LRBA: variants seen among roughly 807,000 people sequenced by gnomAD.
LRBA encodes the protein lipopolysaccharide-responsive and beige-like anchor protein.
A neutral mutation model predicts 330.0 loss-of-function variants in LRBA; 176 were observed. That is an observed-to-expected ratio of 0.53 (90% CI 0.47 to 0.60). The LOEUF (loss-of-function observed/expected upper bound fraction) is 0.60, where lower values mean the gene tolerates loss of function less well. Ranked by LOEUF, LRBA falls within the 20% of genes least tolerant of loss-of-function variation. The pLI, the probability that LRBA is intolerant of heterozygous loss-of-function variation, is 0.00. For missense variants in LRBA, 3,259 were observed against 3,444.8 expected (o/e 0.95, Z 1.35); for synonymous variants, 1,230 against 1,193.0 (o/e 1.03, Z -0.64).
intron 34 of LRBA, among the ~76,000 whole-genome samples, chr4:150,793,944 T>G (rs1424819129): frequency 6.6e-6 from 1 of 152,184 alleles, no homozygotes; most frequent in Non-Finnish European, 1.5e-5. Flanking sequence ...AGTAAACAAG[T>G]AAACCAATTA....
chr4:150,991,871 A>C (rs1742126989), intron 2 of LRBA, among the ~76,000 whole-genome samples: 1 of 152,190 alleles, frequency 6.6e-6, no homozygotes, highest in South Asian at 2.1e-4. Context: ...TCATGATCTA[A>C]TGAGAGAAAT....
intron 31 of LRBA, among the ~76,000 whole-genome samples, chr4:150,812,148 T>C (rs1743832064): frequency 6.6e-6 from 1 of 152,220 alleles, no homozygotes; most frequent in South Asian, 2.1e-4. Context: ...AAACACATTC[T>C]GTATTTTTTC....
chr4:150,624,991 T>C (rs1246789280), intron 37 of LRBA, among the ~76,000 whole-genome samples: 1 of 152,240 alleles, frequency 6.6e-6, no homozygotes, highest in Non-Finnish European at 1.5e-5. Flanking sequence ...TCTATCTATT[T>C]ATAAGAGCTC....
At chr4:150,768,927 CTTTTTTTTTTTTTTT>C (rs70941440) in intron 34 of LRBA, among the ~76,000 whole-genome samples, 1 of 75,026 alleles carries the variant, frequency 1.3e-5, no homozygotes, top group Non-Finnish European at 2.5e-5. Flanking sequence ...GTGCTGTCTC[CTTTTTTTTTTTTTTT>C]TTTTTTTTTT....
At chr4:150,330,457 T>G (rs889093695) in intron 48 of LRBA, among the ~76,000 whole-genome samples, 1 of 152,196 alleles carries the variant, frequency 6.6e-6, no homozygotes, top group African/African-American at 2.4e-5. Flanking sequence ...CCCAAACTTT[T>G]TGGCACCAGG....
chr4:150,589,064 CACACACACAGAG>C (rs1382982760), intron 39 of LRBA, among the ~76,000 whole-genome samples: 2 of 150,476 alleles, frequency 1.3e-5, no homozygotes, highest in Non-Finnish European at 3.0e-5. Context: ...CACACACACA[CACACACACAGAG>C]AGAGAGAGAT....
chr4:150,410,190 C>G (rs1746775091), intron 47 of LRBA, among the ~76,000 whole-genome samples: 1 of 151,946 alleles, frequency 6.6e-6, no homozygotes, highest in African/African-American at 2.4e-5. Flanking sequence ...TCTATGCTGT[C>G]ATCACTTGAG....
chr4:150,558,078 T>A (rs899481166), intron 40 of LRBA, among the ~76,000 whole-genome samples: 1 of 152,160 alleles, frequency 6.6e-6, no homozygotes, highest in East Asian at 1.9e-4. Context: ...TTGTTATTTT[T>A]AGTAGAGATG....
chr4:150,704,501 G>T (rs753218603), intron 36 of LRBA, among the ~76,000 whole-genome samples: 23 of 151,644 alleles, frequency 1.5e-4, no homozygotes, highest in Admixed American at 3.9e-4. Context: ...TTAGGTCAGG[G>T]TATTTCAGGT....
chr4:150,526,943 T>C (rs1763539136), intron 40 of LRBA, among the ~76,000 whole-genome samples: 1 of 151,980 alleles, frequency 6.6e-6, no homozygotes, highest in African/African-American at 2.4e-5. Context: ...GATCTATATA[T>C]CACAATTCGT....
rs142599707 is a variant in LRBA at position 150,555,982 on chromosome 4, T to A, written c.6330+32066A>T. Among the ~76,000 whole-genome samples, 13 of 151,966 alleles carry A rather than the reference T, an allele frequency of 8.6e-5. No homozygotes were observed. In the East Asian group the frequency reaches 2.3e-3, roughly 27 times the overall value. The stretch of plus-strand genomic sequence containing the variant: ...ATGCCTGGTTAATTCTGTTCATTTT[T>A]TATAGAGATGAGATACTGTTATGTT... On this transcript the variant is annotated intron_variant, in intron 40 of 56. Coordinates refer to ENST00000651943, the MANE Select transcript of LRBA (RefSeq NM_001364905.1).
rs184230249 is a variant in LRBA, at chr4:150,395,551, T to C, written c.7194+19887A>G. The stretch of plus-strand genomic sequence containing the variant: ...CCTAGCTTGAGTCCGATACTCACAC[T>C]GCCATCTTCCTAATGAATAAATTAA... On this transcript the variant is annotated intron_variant, in intron 47 of 56. Transcript: ENST00000651943. Among the ~76,000 whole-genome samples, 393 of 152,296 alleles carry C rather than the reference T, an allele frequency of 2.6e-3. 3 individuals carry two copies. The highest frequency in any genetic ancestry group is 4.7e-3 in the Non-Finnish European group (317 of 68,016).
intron 34 of LRBA, among the ~76,000 whole-genome samples, chr4:150,796,633 C>T (rs1445976815): frequency 2.6e-5 from 4 of 151,878 alleles, no homozygotes; most frequent in Non-Finnish European, 5.9e-5. Context: ...TTTATCTTTG[C>T]AGCTCCTAAC....
intron 40 of LRBA, among the ~76,000 whole-genome samples, chr4:150,571,692 A>G (rs915925778): frequency 1.8e-5 from 2 of 108,756 alleles, no homozygotes; most frequent in Non-Finnish European, 3.5e-5. Context: ...TTTCAGTTGC[A>G]CTGGACAAAT....
chr4:150,368,095 C>T (rs1243483246), intron 47 of LRBA, among the ~76,000 whole-genome samples: 1 of 152,144 alleles, frequency 6.6e-6, no homozygotes, highest in Non-Finnish European at 1.5e-5. Flanking sequence ...CCATTAATAA[C>T]TCAAGGGGGT....
At chr4:150,904,808 T>C (rs1156940903) in intron 13 of LRBA, among the ~76,000 whole-genome samples, 1 of 152,154 alleles carries the variant, frequency 6.6e-6, no homozygotes, top group Admixed American at 6.5e-5. Flanking sequence ...TGTTTTTCTC[T>C]TTAACATTTG....
chr4:150,971,105 T>C (rs1739535485), intron 2 of LRBA, among the ~76,000 whole-genome samples: 10 of 152,176 alleles, frequency 6.6e-5, no homozygotes, highest in Admixed American at 5.2e-4. Flanking sequence ...ATACAGTATA[T>C]AGAATATGTC....
intron 34 of LRBA, among the ~76,000 whole-genome samples, chr4:150,791,101 C>T (rs1421742308): frequency 2.0e-5 from 3 of 152,106 alleles, no homozygotes; most frequent in Non-Finnish European, 4.4e-5. Context: ...ACTTATTTAA[C>T]ACTGTATATT....
intron 56 of LRBA, among the ~76,000 whole-genome samples, chr4:150,275,965 G>A (rs1203946757): frequency 6.6e-6 from 1 of 152,148 alleles, no homozygotes; most frequent in Non-Finnish European, 1.5e-5. Flanking sequence ...AAAAGAGCCT[G>A]TATAGCCAAG....
Sources: allele counts gnomAD v4.1 joint callset (sites outside exome capture counted in the v4.1 genomes callset), GRCh38; gene constraint gnomAD v4.1.1; transcripts MANE v1.5; gene names NCBI Gene and HGNC (gene_info 2026-07-23, HGNC 2026-07-21).